Variants in KCNMB2 observed in about 807,000 individuals in gnomAD.
KCNMB2 encodes the protein potassium calcium-activated channel subfamily M regulatory beta subunit 2, also known as calcium-activated potassium channel subunit beta-2.
Under a neutral mutation model 24.5 loss-of-function variants are expected in KCNMB2, and 9 were observed. The ratio of observed to expected loss-of-function variants is 0.37; its 90% CI spans 0.22 to 0.64. KCNMB2 has a LOEUF of 0.64. Among genes scored for constraint, KCNMB2 ranks in the 30% least tolerant of loss-of-function variants. The pLI, the probability that KCNMB2 is intolerant of heterozygous loss-of-function variation, is 0.63. For synonymous variants in KCNMB2, 109 were observed against 104.4 expected, an observed-to-expected ratio of 1.04 and a Z score of -0.27; for missense variants, 226 against 284.3, an observed-to-expected ratio of 0.79 and a Z score of 1.47.
intron 1 of KCNMB2, among the ~76,000 whole-genome samples, chr3:178,800,652 T>G (rs1195500438): frequency 6.6e-6 from 1 of 152,108 alleles, no homozygotes; most frequent in South Asian, 2.1e-4. Flanking sequence ...AGAACTACCA[T>G]ATAATCCAGC....
At chr3:178,774,424 G>A (rs1000374070) in intron 1 of KCNMB2, among the ~76,000 whole-genome samples, 4 of 152,164 alleles carry the variant, frequency 2.6e-5, no homozygotes, top group Admixed American at 1.3e-4. Flanking sequence ...TCCATCTCAC[G>A]GTTTTGGGGA....
chr3:178,599,271 T>C (rs1293093246), intron 1 of KCNMB2, among the ~76,000 whole-genome samples: 1 of 152,178 alleles, frequency 6.6e-6, no homozygotes, highest in Non-Finnish European at 1.5e-5. Context: ...AAAAGAATAA[T>C]TGACAAAAAT....
At chr3:178,837,577 T>C (rs1374706500) in intron 4 of KCNMB2, among the ~76,000 whole-genome samples, 1 of 152,244 alleles carries the variant, frequency 6.6e-6, no homozygotes, top group African/African-American at 2.4e-5. Context: ...TTTATATGTA[T>C]GTTGAAAAAT....
chr3:178,694,105 G>A (rs547818806), intron 1 of KCNMB2, among the ~76,000 whole-genome samples: 3 of 152,240 alleles, frequency 2.0e-5, no homozygotes, highest in Middle Eastern at 3.4e-3. Flanking sequence ...GAGGCCTCAC[G>A]AAACTTATAA....
At chr3:178,645,665 T>C (rs1719894264) in intron 1 of KCNMB2, among the ~76,000 whole-genome samples, 1 of 152,050 alleles carries the variant, frequency 6.6e-6, no homozygotes, top group Non-Finnish European at 1.5e-5. Flanking sequence ...TCAGTGTTAG[T>C]GGCACTTCCG....
intron 1 of KCNMB2, among the ~76,000 whole-genome samples, chr3:178,610,735 A>G (rs986733958): frequency 6.6e-6 from 1 of 152,184 alleles, no homozygotes; most frequent in Non-Finnish European, 1.5e-5. Context: ...GATGCCCATT[A>G]TATCTTTCTC....
chr3:178,680,201 G>A (rs2108593313), intron 1 of KCNMB2, among the ~76,000 whole-genome samples: 1 of 152,192 alleles, frequency 6.6e-6, no homozygotes, highest in East Asian at 1.9e-4. Context: ...TTACTGCAAA[G>A]CCTGTGGGAG....
intron 1 of KCNMB2, among the ~76,000 whole-genome samples, chr3:178,594,696 A>C (rs1717801827): frequency 6.6e-6 from 1 of 152,118 alleles, no homozygotes; most frequent in African/African-American, 2.4e-5. Context: ...GGGAGGCTGC[A>C]ACTACATAAA....
intron 1 of KCNMB2, among the ~76,000 whole-genome samples, chr3:178,699,568 C>A (rs1367025382): frequency 6.6e-6 from 1 of 152,144 alleles, no homozygotes; most frequent in Non-Finnish European, 1.5e-5. Flanking sequence ...CCCCCGGGCA[C>A]CCAAAACTGC....
chr3:178,583,406 C>T (rs1717287646), intron 1 of KCNMB2, among the ~76,000 whole-genome samples: 1 of 152,088 alleles, frequency 6.6e-6, no homozygotes, highest in Non-Finnish European at 1.5e-5. Context: ...CTAATAATGG[C>T]AAGTTTCCGT....
At chr3:178,716,423 G>A (rs987934920) in intron 1 of KCNMB2, among the ~76,000 whole-genome samples, 3 of 150,440 alleles carry the variant, frequency 2.0e-5, no homozygotes, top group African/African-American at 7.3e-5. Context: ...AAGAGGTGGA[G>A]CCAGAACTAA....
intron 1 of KCNMB2, among the ~76,000 whole-genome samples, chr3:178,628,722 G>A (rs375972201): frequency 6.6e-6 from 1 of 152,258 alleles, no homozygotes; most frequent in East Asian, 1.9e-4. Context: ...AAGGACCACT[G>A]TGTAGTTTCC....
intron 1 of KCNMB2, among the ~76,000 whole-genome samples, chr3:178,552,400 ATTCTT>A (rs1715985991): frequency 1.3e-5 from 2 of 151,804 alleles, no homozygotes; most frequent in Non-Finnish European, 2.9e-5. Context: ...AAAATATTCT[ATTCTT>A]TTGCCACCAT....
At chr3:178,624,950 G>C (rs908451345) in intron 1 of KCNMB2, among the ~76,000 whole-genome samples, 15 of 152,172 alleles carry the variant, frequency 9.9e-5, no homozygotes, top group African/African-American at 3.6e-4. Flanking sequence ...ATGCAGCTTA[G>C]CGCAGGGCAG....
intron 1 of KCNMB2, among the ~76,000 whole-genome samples, chr3:178,695,435 G>C (rs868150718): frequency 6.6e-6 from 1 of 152,166 alleles, no homozygotes; most frequent in Admixed American, 6.5e-5. Context: ...TCTCCCCCAC[G>C]AAGTGGGTTT....
rs116952437 is a variant in KCNMB2 at position 178,611,376 on chromosome 3, C to T, written c.-68+74665C>T. ...CTCTCTCTTTTTTTCTTAGTTTGTCCGGCTAAAGGTTGGTCAACTTTGTTT... is the reference window on the plus strand; with the variant it reads ...CTCTCTCTTTTTTTCTTAGTTTGTCTGGCTAAAGGTTGGTCAACTTTGTTT... On this transcript the variant is annotated intron_variant, in intron 1 of 4. Coordinates refer to ENST00000452583, the MANE Select transcript of KCNMB2 (RefSeq NM_181361.3). Among the ~76,000 whole-genome samples the T allele has an allele frequency of 2.4e-4, 37 of 151,972 alleles. No individual in the cohort carries two copies. In the East Asian group the frequency reaches 3.9e-3, roughly 16 times the overall value.
intron 2 of KCNMB2, among the ~76,000 whole-genome samples, chr3:178,823,865 T>C (rs1445539171): frequency 1.3e-5 from 2 of 152,130 alleles, no homozygotes; most frequent in African/African-American, 2.4e-5. Context: ...AAAATTTGAA[T>C]GAAAAATCTG....
At chr3:178,658,956 A>G (rs2108568676) in intron 1 of KCNMB2, among the ~76,000 whole-genome samples, 1 of 152,346 alleles carries the variant, frequency 6.6e-6, no homozygotes, top group East Asian at 1.9e-4. Context: ...CAGATTATTA[A>G]GAATACCAGG....
At chr3:178,754,937 T>G (rs1307826808) in intron 1 of KCNMB2, among the ~76,000 whole-genome samples, 1 of 152,216 alleles carries the variant, frequency 6.6e-6, no homozygotes, top group African/African-American at 2.4e-5. Flanking sequence ...AGTGCCATTG[T>G]GCACTCCATG....
Sources: gnomAD v4.1 joint callset for allele counts (sites outside exome capture counted in the v4.1 genomes callset) on GRCh38, gnomAD v4.1.1 for gene constraint, MANE v1.5 for transcripts, NCBI Gene and HGNC (gene_info 2026-07-23, HGNC 2026-07-21) for gene names.